ULK4: variants seen among roughly 807,000 people sequenced by gnomAD.
ULK4 encodes inactive serine/threonine-protein kinase ULK4.
In ULK4, 133 loss-of-function variants were observed where a neutral mutation model predicts 160.6. That is an observed-to-expected ratio of 0.83 (90% CI 0.72 to 0.96). ULK4 has a LOEUF of 0.96. Among genes scored for constraint, ULK4 ranks in the 40% least tolerant of loss-of-function variants. The pLI is 0.00. For synonymous variants in ULK4, 534 were observed against 539.8 expected, an observed-to-expected ratio of 0.99 and a Z score of 0.15; for missense variants, 1,580 against 1,499.5, an observed-to-expected ratio of 1.05 and a Z score of -0.89.
intron 35 of ULK4, among the ~76,000 whole-genome samples, chr3:41,351,212 G>T (rs2125761399): frequency 6.6e-6 from 1 of 152,256 alleles, no homozygotes; most frequent in South Asian, 2.1e-4. Flanking sequence ...CCCTGAAAAA[G>T]CTGGTGATTC....
chr3:41,514,778 G>A (rs2085696669), intron 32 of ULK4, among the ~76,000 whole-genome samples: 1 of 152,008 alleles, frequency 6.6e-6, no homozygotes, highest in African/African-American at 2.4e-5. Context: ...ACTCAGAAGG[G>A]TGAGGGGTGG....
intron 32 of ULK4, among the ~76,000 whole-genome samples, chr3:41,510,934 G>A (rs189284651): frequency 1.4e-4 from 21 of 152,110 alleles, no homozygotes; most frequent in East Asian, 5.8e-4. Context: ...AGGCTGAGGC[G>A]GGTGGATCAC....
At chr3:41,936,628 T>C (rs1245304825) in intron 3 of ULK4, among the ~76,000 whole-genome samples, 1 of 152,180 alleles carries the variant, frequency 6.6e-6, no homozygotes, top group African/African-American at 2.4e-5. Flanking sequence ...CAGTTGGAAC[T>C]GGAGGTCATT....
At chr3:41,445,393 CA>C (rs2083274306) in intron 34 of ULK4, among the ~76,000 whole-genome samples, 1 of 152,068 alleles carries the variant, frequency 6.6e-6, no homozygotes. Flanking sequence ...CATATGGAAC[CA>C]AAAAAGAGCC....
At chr3:41,690,304 GT>G (rs2036251516) in intron 27 of ULK4, among the ~76,000 whole-genome samples, 1 of 151,434 alleles carries the variant, frequency 6.6e-6, no homozygotes, top group African/African-American at 2.4e-5. Flanking sequence ...GGTAGGGGGA[GT>G]GGGGAGGGAT....
chr3:41,568,441 AT>A (rs1263694553), intron 31 of ULK4, among the ~76,000 whole-genome samples: 3 of 152,204 alleles, frequency 2.0e-5, no homozygotes, highest in Admixed American at 2.0e-4. Flanking sequence ...TGTTGCATCT[AT>A]GTTCATAAGT....
chr3:41,294,530 T>C (rs2079632007), intron 35 of ULK4, among the ~76,000 whole-genome samples: 1 of 152,220 alleles, frequency 6.6e-6, no homozygotes, highest in South Asian at 2.1e-4. Context: ...GAGAGAATCA[T>C]GAGTTTTTCT....
Position 41,774,202 on chromosome 3 carries a change from A to C in ULK4, c.2193+15459T>G, listed in dbSNP as rs2039516242. ...CTAAAACACCAAAAGCAATGGCAACAAAAGCCAAAATTGACAAATGGGATC... is the reference window on the plus strand; with the variant it reads ...CTAAAACACCAAAAGCAATGGCAACCAAAGCCAAAATTGACAAATGGGATC... On this transcript the variant is annotated intron_variant, in intron 21 of 36. Transcript: ENST00000301831. Among the ~76,000 whole-genome samples, 3 of 152,026 alleles carry C rather than the reference A, an allele frequency of 2.0e-5. No homozygotes were observed. In the South Asian group the frequency reaches 6.2e-4, roughly 31 times the overall value.
intron 27 of ULK4, among the ~76,000 whole-genome samples, chr3:41,692,449 C>T (rs1309089232): frequency 6.6e-6 from 1 of 151,568 alleles, no homozygotes; most frequent in Non-Finnish European, 1.5e-5. Flanking sequence ...GGATAATTTG[C>T]TCACCAATGT....
intron 35 of ULK4, among the ~76,000 whole-genome samples, chr3:41,298,707 T>G (rs1047672806): frequency 6.6e-6 from 1 of 152,116 alleles, no homozygotes; most frequent in Non-Finnish European, 1.5e-5. Flanking sequence ...CCTCAAGTCA[T>G]AGAGAGTCAA....
At chr3:41,729,335 G>A (rs868619911) in intron 22 of ULK4, among the ~76,000 whole-genome samples, 3 of 152,124 alleles carry the variant, frequency 2.0e-5, no homozygotes, top group Non-Finnish European at 2.9e-5. Context: ...CACTCCTCAC[G>A]GGCCAATTGC....
chr3:41,369,292 C>T (rs894347641), intron 35 of ULK4, among the ~76,000 whole-genome samples: 4 of 152,132 alleles, frequency 2.6e-5, no homozygotes, highest in East Asian at 1.9e-4. Context: ...TCCAGGAGTT[C>T]GAGACCTGGA....
intron 21 of ULK4, among the ~76,000 whole-genome samples, chr3:41,754,811 A>G (rs1008550935): frequency 6.6e-6 from 1 of 152,186 alleles, no homozygotes; most frequent in Non-Finnish European, 1.5e-5. Flanking sequence ...CCTGTTAACT[A>G]CTCAATCACA....
intron 12 of ULK4, among the ~76,000 whole-genome samples, chr3:41,905,829 C>T (rs79741604): frequency 0.13 from 19,032 of 152,068 alleles, 1,366 homozygotes; most frequent in Middle Eastern, 0.27. Flanking sequence ...AATCCAAACA[C>T]TTTGGGAGGC....
chr3:41,657,773 A>C (rs2034993705), intron 30 of ULK4, among the ~76,000 whole-genome samples: 1 of 145,818 alleles, frequency 6.9e-6, no homozygotes, highest in Admixed American at 7.1e-5. Flanking sequence ...CTGAGATCAC[A>C]CCACTGCACT....
At chr3:41,444,852 A>G (rs1030551118) in intron 34 of ULK4, among the ~76,000 whole-genome samples, 2 of 152,126 alleles carry the variant, frequency 1.3e-5, no homozygotes, top group African/African-American at 2.4e-5. Context: ...TATTCAACAT[A>G]GTGTTGGAAG....
chr3:41,807,191 C>T (rs772733773), intron 19 of ULK4, among the ~76,000 whole-genome samples: 20 of 151,382 alleles, frequency 1.3e-4, no homozygotes, highest in Non-Finnish European at 2.5e-4. Context: ...ATATATGATA[C>T]CTTAATTAAA....
intron 18 of ULK4, 146 bp from the exon 19 acceptor site, chr3:41,819,652 C>T (rs1436574563): frequency 7.9e-6 from 5 of 634,816 alleles, no homozygotes; most frequent in Admixed American, 3.0e-5. Flanking sequence ...CTGATGATAA[C>T]GACTAGATCA....
At chr3:41,337,808 T>C (rs1283904506) in intron 35 of ULK4, among the ~76,000 whole-genome samples, 2 of 152,208 alleles carry the variant, frequency 1.3e-5, no homozygotes, top group Non-Finnish European at 2.9e-5. Context: ...TTCAGCCCTC[T>C]GGGTTTCCTA....
Sources: allele counts gnomAD v4.1 joint callset (sites outside exome capture counted in the v4.1 genomes callset), GRCh38; gene constraint gnomAD v4.1.1; transcripts MANE v1.5; gene names NCBI Gene and HGNC (gene_info 2026-07-23, HGNC 2026-07-21).